Variants in ADRA1B observed in about 807,000 individuals in gnomAD.
ADRA1B encodes the protein alpha-1B adrenergic receptor.
ADRA1B carries 17 observed loss-of-function variants against 17.9 expected under a neutral mutation model. The ratio of observed to expected loss-of-function variants is 0.95; its 90% CI spans 0.65 to 1.42. The LOEUF is 1.42. Among genes scored for constraint, ADRA1B ranks in the 40% most tolerant of loss-of-function variants. The pLI is 0.00. For missense variants in ADRA1B, 681 were observed against 722.1 expected, an observed-to-expected ratio of 0.94 and a Z score of 0.65; for synonymous variants, 366 against 327.6, an observed-to-expected ratio of 1.12 and a Z score of -1.27.
At chr5:159,882,406 G>C (rs1753873296) in intron 1 of ADRA1B, among the ~76,000 whole-genome samples, 1 of 152,216 alleles carries the variant, frequency 6.6e-6, no homozygotes, top group African/African-American at 2.4e-5. Context: ...ATGTCGGGTT[G>C]TTATGTATTG....
chr5:159,975,146 C>T (rs1755952732), downstream of ADRA1B, among the ~76,000 whole-genome samples: 1 of 152,202 alleles, frequency 6.6e-6, no homozygotes, highest in Admixed American at 6.5e-5. Context: ...GTGTTAGGAT[C>T]ACAAATCTTC....
At chr5:159,950,331 G>T (rs1371090315) in intron 1 of ADRA1B, among the ~76,000 whole-genome samples, 3 of 152,124 alleles carry the variant, frequency 2.0e-5, no homozygotes, top group Non-Finnish European at 2.9e-5. Flanking sequence ...ACATGACAAG[G>T]TGGGGCTCCC....
chr5:159,879,382 C>T (rs1341112070), intron 1 of ADRA1B, among the ~76,000 whole-genome samples: 3 of 152,158 alleles, frequency 2.0e-5, no homozygotes, highest in South Asian at 2.1e-4. Context: ...GTAAGCACGA[C>T]GGTGGGAATG....
At chr5:159,884,003 G>T (rs940636281) in intron 1 of ADRA1B, among the ~76,000 whole-genome samples, 1 of 152,198 alleles carries the variant, frequency 6.6e-6, no homozygotes, top group African/African-American at 2.4e-5. Context: ...TGGATGAGGG[G>T]TTGCCAGTGG....
intron 1 of ADRA1B, among the ~76,000 whole-genome samples, chr5:159,945,300 C>T (rs1390132803): frequency 6.6e-6 from 1 of 151,838 alleles, no homozygotes; most frequent in Non-Finnish European, 1.5e-5. Flanking sequence ...TGCAGTGAGC[C>T]CAGATTGCGC....
intron 1 of ADRA1B, among the ~76,000 whole-genome samples, chr5:159,939,747 A>G (rs1755073917): frequency 6.6e-6 from 1 of 152,198 alleles, no homozygotes; most frequent in Non-Finnish European, 1.5e-5. Flanking sequence ...CCAGCCACAC[A>G]GGAGCAGTCT....
intron 1 of ADRA1B, chr5:159,870,069 C>G (rs956378809): frequency 1.3e-5 from 2 of 152,008 alleles, no homozygotes; most frequent in Non-Finnish European, 2.9e-5. Flanking sequence ...CAAAAAGTCA[C>G]AGAAACAAAT....
intron 1 of ADRA1B, chr5:159,951,507 G>A: frequency 1.5e-6 from 1 of 672,088 alleles, no homozygotes; most frequent in Non-Finnish European, 2.7e-6. Flanking sequence ...ACGGTGTCTT[G>A]GGGATGCAGC....
At chr5:159,936,667 AT>A (rs1283774269) in intron 1 of ADRA1B, among the ~76,000 whole-genome samples, 1 of 152,078 alleles carries the variant, frequency 6.6e-6, no homozygotes, top group African/African-American at 2.4e-5. Flanking sequence ...AAAAAAAAAA[AT>A]CCCTTCAACC....
At chr5:159,903,469 G>A (rs540607249) in intron 1 of ADRA1B, among the ~76,000 whole-genome samples, 8 of 152,292 alleles carry the variant, frequency 5.3e-5, no homozygotes, top group Non-Finnish European at 1.2e-4. Flanking sequence ...AGGAGTAGTG[G>A]TATATTATCC....
intron 1 of ADRA1B, among the ~76,000 whole-genome samples, chr5:159,946,170 C>A (rs973073698): frequency 3.3e-5 from 5 of 152,102 alleles, no homozygotes; most frequent in African/African-American, 4.8e-5. Context: ...TGGTAACTTT[C>A]GATTGCATTC....
chr5:159,977,731 G>A (rs193047105), downstream of ADRA1B, among the ~76,000 whole-genome samples: 6 of 152,326 alleles, frequency 3.9e-5, no homozygotes, highest in Non-Finnish European at 7.3e-5. Context: ...TCACTGAAGT[G>A]TGGGTGTTGG....
chr5:159,943,647 T>A (rs1296349815), intron 1 of ADRA1B, among the ~76,000 whole-genome samples: 1 of 152,100 alleles, frequency 6.6e-6, no homozygotes, highest in Admixed American at 6.6e-5. Context: ...TCCACTGAGA[T>A]GATTGAGAAT....
intron 1 of ADRA1B, among the ~76,000 whole-genome samples, chr5:159,969,256 T>C (rs1018025544): frequency 1.3e-5 from 2 of 152,136 alleles, no homozygotes; most frequent in African/African-American, 4.8e-5. Flanking sequence ...TAACCCTCTT[T>C]CTAAGTTGAA....
chr5:159,960,918 T>C (rs934009752), intron 1 of ADRA1B, among the ~76,000 whole-genome samples: 11 of 152,194 alleles, frequency 7.2e-5, no homozygotes, highest in African/African-American at 2.7e-4. Flanking sequence ...AGGTAGGCCT[T>C]GGGCACAGAG....
intron 1 of ADRA1B, among the ~76,000 whole-genome samples, chr5:159,919,680 G>A (rs1445200706): frequency 1.3e-5 from 2 of 152,170 alleles, no homozygotes; most frequent in African/African-American, 4.8e-5. Flanking sequence ...CTAAAGTCTT[G>A]GAAGAGAATT....
At chr5:159,930,295 TA>T (rs1426793437) in intron 1 of ADRA1B, among the ~76,000 whole-genome samples, 1 of 152,210 alleles carries the variant, frequency 6.6e-6, no homozygotes, top group African/African-American at 2.4e-5. Context: ...TTATGCGTAA[TA>T]AGAAATTTAA....
chr5:159,926,404 G>A (rs1754651757), intron 1 of ADRA1B, among the ~76,000 whole-genome samples: 2 of 152,136 alleles, frequency 1.3e-5, no homozygotes, highest in African/African-American at 4.8e-5. Context: ...GCACTGCCAG[G>A]CTGCAAACCT....
chr5:159,908,527 G>A (rs144545017), intron 1 of ADRA1B, among the ~76,000 whole-genome samples: 21 of 152,052 alleles, frequency 1.4e-4, no homozygotes, highest in Non-Finnish European at 2.2e-4. Context: ...CTTTCCCCAC[G>A]TGATGCCAGC....
Sources: allele counts gnomAD v4.1 joint callset (sites outside exome capture counted in the v4.1 genomes callset), GRCh38; gene constraint gnomAD v4.1.1; transcripts MANE v1.5; gene names NCBI Gene and HGNC (gene_info 2026-07-23, HGNC 2026-07-21).